The following NLGN4Y variants were observed in gnomAD, a reference collection of about 807,000 sequenced individuals.
The protein encoded by NLGN4Y is neuroligin-4, Y-linked.
NLGN4Y carries 4 observed loss-of-function variants against 8.4 expected under a neutral mutation model. That is an observed-to-expected ratio of 0.48 (90% CI 0.23 to 1.09). NLGN4Y has a LOEUF of 1.09. NLGN4Y is among the 50% of genes least tolerant of loss of function. NLGN4Y has a pLI of 0.19. For synonymous variants in NLGN4Y, 35 were observed against 75.6 expected (o/e 0.46, Z 2.78); for missense variants, 90 against 192.3 (o/e 0.47, Z 3.15).
intron 2 of NLGN4Y, among the ~76,000 whole-genome samples, chrY:14,623,171 C>T: frequency 8.9e-5 from 3 of 33,691 alleles, no homozygotes; most frequent in Admixed American, 2.7e-4. Flanking sequence ...AGATCCACTA[C>T]GATCAAATGA....
chrY:14,779,045 G>A, intron 4 of NLGN4Y, among the ~76,000 whole-genome samples: 1 of 32,201 alleles, frequency 3.1e-5, no homozygotes, highest in Non-Finnish European at 7.5e-5. Flanking sequence ...AGTAGCTGAG[G>A]TGACAGGCCC....
At chrY:14,656,821 A>T in intron 2 of NLGN4Y, among the ~76,000 whole-genome samples, 1 of 29,570 alleles carries the variant, frequency 3.4e-5, no homozygotes, top group Non-Finnish European at 8.0e-5. Context: ...GGATGTTATA[A>T]TTCTAGGCAT....
intron 2 of NLGN4Y, among the ~76,000 whole-genome samples, chrY:14,707,553 G>A (rs2150548481): frequency 3.1e-5 from 1 of 32,261 alleles, no homozygotes; most frequent in Admixed American, 2.9e-4. Context: ...TTAATAAAAT[G>A]TATTTAAAAT....
intron 1 of NLGN4Y, among the ~76,000 whole-genome samples, chrY:14,611,201 G>T: frequency 3.1e-5 from 1 of 32,434 alleles, no homozygotes; most frequent in Admixed American, 2.9e-4. Flanking sequence ...TTTAATTGGG[G>T]CATTTAGCCC....
intron 2 of NLGN4Y, among the ~76,000 whole-genome samples, chrY:14,644,459 C>T: frequency 3.0e-5 from 1 of 33,201 alleles, no homozygotes; most frequent in African/African-American, 1.2e-4. Flanking sequence ...ACATTAATAT[C>T]GATTCTCTTA....
intron 1 of NLGN4Y, among the ~76,000 whole-genome samples, chrY:14,602,692 A>G: frequency 3.0e-5 from 1 of 33,313 alleles, no homozygotes; most frequent in Non-Finnish European, 7.4e-5. Flanking sequence ...ACATTTATTT[A>G]TTCATTGTCC....
chrY:14,777,949 T>C, intron 4 of NLGN4Y, among the ~76,000 whole-genome samples: 1 of 30,435 alleles, frequency 3.3e-5, no homozygotes, highest in Non-Finnish European at 7.8e-5. Flanking sequence ...TGGAGGATCA[T>C]TGAGCCCTGG....
chrY:14,743,723 A>G, intron 4 of NLGN4Y, among the ~76,000 whole-genome samples: 1 of 32,535 alleles, frequency 3.1e-5, no homozygotes, highest in Non-Finnish European at 7.5e-5. Flanking sequence ...ACAGAGAAAA[A>G]TCACAGAAAT....
At chrY:14,740,914 T>G in intron 4 of NLGN4Y, among the ~76,000 whole-genome samples, 1 of 32,859 alleles carries the variant, frequency 3.0e-5, no homozygotes, top group African/African-American at 1.2e-4. Context: ...AACTATACTT[T>G]TTTTTTTGAG....
chrY:14,531,235 C>CATCTAT (rs2080113917), intron 1 of NLGN4Y, among the ~76,000 whole-genome samples: 1 of 33,118 alleles, frequency 3.0e-5, no homozygotes. Context: ...GAGCCTTCAT[C>CATCTAT]ATCTATATCT....
intron 1 of NLGN4Y, among the ~76,000 whole-genome samples, chrY:14,575,950 G>C: frequency 3.0e-5 from 1 of 33,070 alleles, no homozygotes; most frequent in Non-Finnish European, 7.4e-5. Flanking sequence ...TCCCCTGGAA[G>C]TTTTGTCTCA....
chrY:14,736,662 C>G, intron 4 of NLGN4Y, among the ~76,000 whole-genome samples: 1 of 32,045 alleles, frequency 3.1e-5, no homozygotes, highest in African/African-American at 1.2e-4. Flanking sequence ...GGCAGATACC[C>G]TCATTCTGTT....
At chrY:14,761,383 C>T (rs778621802) in intron 4 of NLGN4Y, among the ~76,000 whole-genome samples, 2 of 33,726 alleles carry the variant, frequency 5.9e-5, no homozygotes, top group Non-Finnish European at 1.5e-4. Flanking sequence ...CCATCCAGTC[C>T]CATCCATAGA....
At chrY:14,792,784 CAAAAAAAAAAAAAAAAAAAAAAAAAAA>C (rs1302985273) in intron 4 of NLGN4Y, among the ~76,000 whole-genome samples, 1 of 479 alleles carries the variant, frequency 2.1e-3, no homozygotes, top group Non-Finnish European at 3.5e-3. Context: ...ATCCTGTCTC[CAAAAAAAAAAAAAAAAAAAAAAAAAAA>C]AAAAAAAAAA....
At chrY:14,834,951 C>T (rs2043192109) in intron 6 of NLGN4Y, among the ~76,000 whole-genome samples, 1 of 33,600 alleles carries the variant, frequency 3.0e-5, no homozygotes, top group East Asian at 7.9e-4. Flanking sequence ...CAAGAGGAAA[C>T]AAGAATAGCT....
intron 1 of NLGN4Y, among the ~76,000 whole-genome samples, chrY:14,606,772 G>A: frequency 3.1e-5 from 1 of 32,001 alleles, no homozygotes; most frequent in Non-Finnish European, 7.6e-5. Flanking sequence ...TCTTTGCAGA[G>A]AAGACATGCC....
intron 4 of NLGN4Y, among the ~76,000 whole-genome samples, chrY:14,792,075 T>TAC (rs2042987716): frequency 5.9e-5 from 2 of 33,896 alleles, no homozygotes; most frequent in African/African-American, 2.3e-4. Flanking sequence ...GGACTTGTGA[T>TAC]ATTTCCAGCC....
chrY:14,585,967 C>T (rs2150488572), intron 1 of NLGN4Y, among the ~76,000 whole-genome samples: 1 of 32,959 alleles, frequency 3.0e-5, no homozygotes, highest in Non-Finnish European at 7.5e-5. Flanking sequence ...TGGTTGTTAC[C>T]CAGGGATGGA....
intron 4 of NLGN4Y, among the ~76,000 whole-genome samples, chrY:14,732,311 G>A (rs2080975360): frequency 6.0e-5 from 2 of 33,278 alleles, no homozygotes; most frequent in South Asian, 7.0e-4. Flanking sequence ...TTCTCTGAGA[G>A]GAAGCTAAAT....
Sources: gnomAD v4.1 joint callset for allele counts (sites outside exome capture counted in the v4.1 genomes callset) on GRCh38, gnomAD v4.1.1 for gene constraint, MANE v1.5 for transcripts, NCBI Gene and HGNC (gene_info 2026-07-23, HGNC 2026-07-21) for gene names.